The following IL12RB2 variants were observed in gnomAD, a reference collection of about 807,000 sequenced individuals.
IL12RB2 encodes the protein interleukin 12 receptor subunit beta 2.
IL12RB2 carries 82 observed loss-of-function variants against 89.4 expected under a neutral mutation model. The ratio of observed to expected loss-of-function variants is 0.92; its 90% CI spans 0.77 to 1.10. The LOEUF is 1.10. Among genes scored for constraint, IL12RB2 ranks in the 50% least tolerant of loss-of-function variants. The pLI is 0.00. For missense variants in IL12RB2, 963 were observed against 1,031.9 expected (o/e 0.93, Z 0.92); for synonymous variants, 368 against 370.1 (o/e 0.99, Z 0.07).
At chr1:67,369,609 A>T (rs370644781) in intron 11 of IL12RB2, among the ~76,000 whole-genome samples, 2 of 152,238 alleles carry the variant, frequency 1.3e-5, no homozygotes, top group African/African-American at 4.8e-5. Flanking sequence ...CTGCTAAGAA[A>T]TTGTAAACAT....
At chr1:67,322,113 C>A (rs750208856) in intron 4 of IL12RB2, among the ~76,000 whole-genome samples, 1 of 151,898 alleles carries the variant, frequency 6.6e-6, no homozygotes, top group East Asian at 1.9e-4. Flanking sequence ...CCATTAAAAC[C>A]ATTTATCTGT....
At chr1:67,394,023 A>C (rs2100337965) in intron 16 of IL12RB2, among the ~76,000 whole-genome samples, 1 of 152,346 alleles carries the variant, frequency 6.6e-6, no homozygotes, top group East Asian at 1.9e-4. Context: ...AACAGTCACC[A>C]GGGGCCTCAT....
At chr1:67,307,754 C>CGGAT (rs1654450080), upstream of IL12RB2, 1 of 152,240 alleles carries the variant, frequency 6.6e-6, no homozygotes, top group African/African-American at 2.4e-5. Context: ...CCGACCCCCG[C>CGGAT]CCCGGCCCGA....
chr1:67,378,885 T>A (rs1168102760), intron 13 of IL12RB2, among the ~76,000 whole-genome samples: 1 of 143,910 alleles, frequency 6.9e-6, no homozygotes, highest in Non-Finnish European at 1.5e-5. Context: ...GTTAAGTGAA[T>A]GTCTGTTTCA....
At chr1:67,375,613 A>G (rs1663876660) in intron 13 of IL12RB2, among the ~76,000 whole-genome samples, 1 of 152,260 alleles carries the variant, frequency 6.6e-6, no homozygotes, top group Middle Eastern at 3.4e-3. Context: ...GTGTTTCAGC[A>G]CCATTAACCA....
chr1:67,343,689 T>A (rs1659914520), intron 9 of IL12RB2, among the ~76,000 whole-genome samples: 1 of 152,182 alleles, frequency 6.6e-6, no homozygotes, highest in Non-Finnish European at 1.5e-5. Flanking sequence ...TAAAACAGCA[T>A]GTATCTTTTA....
intron 2 of IL12RB2, among the ~76,000 whole-genome samples, chr1:67,318,852 G>A (rs1372804938): frequency 6.6e-6 from 1 of 151,852 alleles, no homozygotes; most frequent in Non-Finnish European, 1.5e-5. Flanking sequence ...AGAGCTAGGG[G>A]ACCAGGTGAA....
At chr1:67,384,483 A>C (rs1664933184) in intron 14 of IL12RB2, among the ~76,000 whole-genome samples, 2 of 152,184 alleles carry the variant, frequency 1.3e-5, no homozygotes, top group African/African-American at 4.8e-5. Context: ...CTGTGATGGG[A>C]GGGGCTGTCA....
intron 11 of IL12RB2, among the ~76,000 whole-genome samples, chr1:67,369,046 A>T (rs1432927306): frequency 6.6e-6 from 1 of 152,180 alleles, no homozygotes; most frequent in Non-Finnish European, 1.5e-5. Context: ...TAAGGTGACA[A>T]GATTTATACA....
intron 2 of IL12RB2, among the ~76,000 whole-genome samples, chr1:67,316,176 G>C (rs977810001): frequency 7.9e-5 from 12 of 152,154 alleles, no homozygotes; most frequent in African/African-American, 2.4e-4. Context: ...GAGATAGACA[G>C]GTATCTAAAT....
At chr1:67,307,609 A>C (rs1558285294), upstream of IL12RB2, 1 of 152,308 alleles carries the variant, frequency 6.6e-6, no homozygotes, top group African/African-American at 2.4e-5. Flanking sequence ...GCGACACAGC[A>C]GAGCCCACAG....
intron 8 of IL12RB2, among the ~76,000 whole-genome samples, chr1:67,337,154 C>T (rs1243557961): frequency 1.3e-5 from 2 of 152,148 alleles, no homozygotes; most frequent in South Asian, 2.1e-4. Flanking sequence ...TGGGTACTTA[C>T]GCTCCCTTTC....
At chr1:67,360,919 C>T (rs1661972895) in intron 10 of IL12RB2, among the ~76,000 whole-genome samples, 1 of 152,024 alleles carries the variant, frequency 6.6e-6, no homozygotes, top group Admixed American at 6.5e-5. Flanking sequence ...GTGGGAGGAA[C>T]ATATCTAATT....
At chr1:67,315,391 C>A (rs1655629508) in intron 2 of IL12RB2, among the ~76,000 whole-genome samples, 1 of 151,992 alleles carries the variant, frequency 6.6e-6, no homozygotes, top group African/African-American at 2.4e-5. Context: ...ATATCTTTTG[C>A]AGTTAGGAAG....
At chr1:67,330,955 T>C in intron 8 of IL12RB2, 145 bp downstream of exon 8, 1 of 680,710 alleles carries the variant, frequency 1.5e-6, no homozygotes, top group Non-Finnish European at 2.6e-6. Context: ...AGTTAATTTT[T>C]ATATTAACTT....
chr1:67,372,951 A>G (rs1663535098), intron 13 of IL12RB2, among the ~76,000 whole-genome samples, 168 bp downstream of exon 13: 1 of 152,202 alleles, frequency 6.6e-6, no homozygotes, highest in South Asian at 2.1e-4. Flanking sequence ...ATTAGAAAAG[A>G]CATCTAAACA....
At chr1:67,350,052 C>G (rs189623038) in intron 9 of IL12RB2, among the ~76,000 whole-genome samples, 2 of 152,194 alleles carry the variant, frequency 1.3e-5, no homozygotes, top group African/African-American at 4.8e-5. Context: ...GCCCCCCACC[C>G]ATGGAAGGGA....
intron 9 of IL12RB2, among the ~76,000 whole-genome samples, chr1:67,345,026 C>T (rs1473434436): frequency 6.6e-6 from 1 of 152,028 alleles, no homozygotes; most frequent in Non-Finnish European, 1.5e-5. Flanking sequence ...AAAATGTTAG[C>T]CAGGCATGGT....
At chr1:67,369,030 C>T (rs1321487859) in intron 11 of IL12RB2, among the ~76,000 whole-genome samples, 1 of 152,090 alleles carries the variant, frequency 6.6e-6, no homozygotes, top group Non-Finnish European at 1.5e-5. Context: ...AAATACACAC[C>T]CTGCTTAAGG....
Sources: allele counts gnomAD v4.1 joint callset (sites outside exome capture counted in the v4.1 genomes callset), GRCh38; gene constraint gnomAD v4.1.1; transcripts MANE v1.5; gene names NCBI Gene and HGNC (gene_info 2026-07-23, HGNC 2026-07-21).